The following CUX2 variants were observed in gnomAD, a reference collection of about 807,000 sequenced individuals.
The protein encoded by CUX2 is cut like homeobox 2.
Under a neutral mutation model 144.8 loss-of-function variants are expected in CUX2, and 40 were observed. The observed-to-expected ratio is 0.28, with a 90% CI of 0.21 to 0.36. CUX2 has a LOEUF of 0.36. CUX2 is among the 10% of genes least tolerant of loss of function. The pLI is 1.00. For missense variants in CUX2, 1,615 were observed against 1,994.0 expected (o/e 0.81, Z 3.62); for synonymous variants, 827 against 875.6 (o/e 0.94, Z 0.98).
intron 4 of CUX2, among the ~76,000 whole-genome samples, chr12:111,265,756 G>A (rs1318309758): frequency 6.6e-6 from 1 of 152,130 alleles, no homozygotes; most frequent in African/African-American, 2.4e-5. Flanking sequence ...GAGCCCGGAG[G>A]AGGCCTTGCT....
rs1288719005 is a variant in CUX2 at position 111,034,267 on chromosome 12, G to A, written c.63+27G>A. 4.6e-6 allele frequency: 6 copies of A among 1,307,070 alleles called. No homozygotes were observed. The African/African-American group carries it at 4.7e-5, about 10-fold the overall frequency. The allele number at this position is 1,307,070 out of a possible 1,614,324, so 81.0% of individuals were successfully genotyped here. A position where few individuals can be genotyped will look rare whatever the true frequency, so the allele number is the denominator to read the frequency against. On this transcript the variant is annotated intron_variant, in intron 1 of 21. Coordinates refer to ENST00000261726, the MANE Select transcript of CUX2 (RefSeq NM_015267.4). This position sits in a 1 kb window ranked among gnomAD's most constrained non-coding sequence, Gnocchi z 4.2. The stretch of plus-strand genomic sequence containing the variant: ...TTAGTGCGGGCAGCGCCGGCCGCGC[G>A]GCCGTGAGGAGCCCCCGGGCGCGCC...
intron 3 of CUX2, among the ~76,000 whole-genome samples, chr12:111,222,522 T>C (rs528080330): frequency 1.3e-5 from 2 of 152,198 alleles, no homozygotes; most frequent in African/African-American, 4.8e-5. Context: ...CTGGGCCTGA[T>C]TGAAACACAG....
At chr12:111,316,334 C>T (rs1249362305) in intron 16 of CUX2, among the ~76,000 whole-genome samples, 13 of 145,564 alleles carry the variant, frequency 8.9e-5, no homozygotes, top group East Asian at 4.1e-4. Context: ...TTAGTAGAGA[C>T]GGGGTTTCTC....
chr12:111,144,997 C>T (rs1876573092), intron 1 of CUX2, among the ~76,000 whole-genome samples: 1 of 152,178 alleles, frequency 6.6e-6, no homozygotes, highest in African/African-American at 2.4e-5. Context: ...TTGGGGAGTG[C>T]CCTGGACGCA....
At chr12:111,099,506 A>G (rs1873066239) in intron 1 of CUX2, 1 of 455,158 alleles carries the variant, frequency 2.2e-6, no homozygotes, top group Non-Finnish European at 4.4e-6. Context: ...GTTTGCAGGC[A>G]GGGCAAGTTG....
intron 4 of CUX2, among the ~76,000 whole-genome samples, chr12:111,274,725 C>A (rs1232279433): frequency 6.6e-6 from 1 of 152,190 alleles, no homozygotes; most frequent in Admixed American, 6.5e-5. Context: ...GAGCCTCCCA[C>A]CCCCGCAGGC....
At chr12:111,279,971 A>T (rs1885044345) in intron 4 of CUX2, among the ~76,000 whole-genome samples, 1 of 146,422 alleles carries the variant, frequency 6.8e-6, no homozygotes, top group African/African-American at 2.6e-5. Flanking sequence ...AAAGAGCGAG[A>T]CTCCGTCTCA....
intron 1 of CUX2, among the ~76,000 whole-genome samples, chr12:111,103,607 A>G (rs1873404211): frequency 6.6e-6 from 1 of 152,184 alleles, no homozygotes; most frequent in Non-Finnish European, 1.5e-5. Context: ...ATGAATCTCA[A>G]ATAGACTTTT....
chr12:111,199,357 C>A (rs895375232), intron 1 of CUX2, among the ~76,000 whole-genome samples: 5 of 152,144 alleles, frequency 3.3e-5, no homozygotes, highest in Non-Finnish European at 7.4e-5. Flanking sequence ...CTCTGGGCAG[C>A]TCAGTGTGGT....
chr12:111,170,865 G>GAATATTC (rs1233923233), intron 1 of CUX2, among the ~76,000 whole-genome samples: 1 of 152,074 alleles, frequency 6.6e-6, no homozygotes, highest in Non-Finnish European at 1.5e-5. Context: ...TGGTAGGAAG[G>GAATATTC]CCGAGGTGGA....
chr12:111,197,124 C>G (rs1438164266), intron 1 of CUX2, among the ~76,000 whole-genome samples: 1 of 152,106 alleles, frequency 6.6e-6, no homozygotes, highest in East Asian at 1.9e-4. Flanking sequence ...AGCCTGAGAC[C>G]TGGGGCAACT....
intron 1 of CUX2, among the ~76,000 whole-genome samples, chr12:111,168,499 C>T (rs1878298605): frequency 2.6e-5 from 4 of 152,208 alleles, no homozygotes. Flanking sequence ...TCCCACCACA[C>T]CAGAACCTCG....
chr12:111,273,971 A>G (rs1190736360), intron 4 of CUX2, among the ~76,000 whole-genome samples: 1 of 152,208 alleles, frequency 6.6e-6, no homozygotes, highest in African/African-American at 2.4e-5. Context: ...TCTGTCAGCA[A>G]CAGGGGCACA....
At chr12:111,080,143 C>G (rs1452261695) in intron 1 of CUX2, among the ~76,000 whole-genome samples, 1 of 152,098 alleles carries the variant, frequency 6.6e-6, no homozygotes, top group Non-Finnish European at 1.5e-5. Context: ...ACTGGCTGTT[C>G]CCTCTGCCCA....
At chr12:111,296,644 A>C (rs1318805869) in intron 8 of CUX2, 105 bp downstream of exon 8, 1 of 1,035,488 alleles carries the variant, frequency 9.7e-7, no homozygotes. Flanking sequence ...ACCCTCCCAG[A>C]CACACCTCCT....
chr12:111,162,253 GTC>G (rs1355433575), intron 1 of CUX2, among the ~76,000 whole-genome samples: 1 of 152,244 alleles, frequency 6.6e-6, no homozygotes, highest in African/African-American at 2.4e-5. Flanking sequence ...GGAAGTGAAA[GTC>G]TCTGTTCCCC....
chr12:111,182,187 T>C (rs1197207493), intron 1 of CUX2, among the ~76,000 whole-genome samples: 1 of 152,198 alleles, frequency 6.6e-6, no homozygotes, highest in Non-Finnish European at 1.5e-5. Context: ...CCCTTCCACA[T>C]AGAGCAGGAC....
intron 3 of CUX2, among the ~76,000 whole-genome samples, chr12:111,237,486 G>A (rs572887445): frequency 1.3e-5 from 2 of 152,260 alleles, no homozygotes; most frequent in East Asian, 1.9e-4. Flanking sequence ...AACCGTGCCC[G>A]ACTCGAAGGG....
intron 1 of CUX2, among the ~76,000 whole-genome samples, chr12:111,090,107 C>T (rs907789916): frequency 3.3e-5 from 5 of 152,132 alleles, no homozygotes; most frequent in African/African-American, 9.7e-5. Context: ...ATCTGATCCC[C>T]GGTCCTGGAG....
Sources: allele counts gnomAD v4.1 joint callset (sites outside exome capture counted in the v4.1 genomes callset), GRCh38; gene constraint gnomAD v4.1.1; non-coding constraint Gnocchi (gnomAD v3.1); transcripts MANE v1.5; gene names NCBI Gene and HGNC (gene_info 2026-07-23, HGNC 2026-07-21).